CTNNA2: variants seen among roughly 807,000 people sequenced by gnomAD.
CTNNA2 encodes the protein catenin alpha 2.
In CTNNA2, 42 loss-of-function variants were observed where a neutral mutation model predicts 101.0. The observed-to-expected ratio is 0.42, with a 90% CI of 0.32 to 0.54. The LOEUF is 0.54. Among genes scored for constraint, CTNNA2 ranks in the 20% least tolerant of loss-of-function variants. The pLI, the probability that CTNNA2 is intolerant of heterozygous loss-of-function variation, is 0.14. For synonymous variants in CTNNA2, 450 were observed against 456.4 expected (o/e 0.99, Z 0.18); for missense variants, 871 against 1,223.1 (o/e 0.71, Z 4.29).
intron 4 of CTNNA2, among the ~76,000 whole-genome samples, chr2:79,478,175 G>C (rs778406199): frequency 2.0e-4 from 30 of 152,110 alleles, no homozygotes; most frequent in Non-Finnish European, 3.5e-4. Flanking sequence ...AACCCCTTTG[G>C]AGCTGTAGCT....
At chr2:79,489,616 G>A (rs910282261) in intron 4 of CTNNA2, among the ~76,000 whole-genome samples, 10 of 152,154 alleles carry the variant, frequency 6.6e-5, no homozygotes, top group Admixed American at 1.3e-4. Context: ...ATTACAAAGA[G>A]AAAGAATAAG....
At chr2:80,597,161 G>C (rs565563357) in intron 15 of CTNNA2, among the ~76,000 whole-genome samples, 1 of 151,816 alleles carries the variant, frequency 6.6e-6, no homozygotes, top group African/African-American at 2.4e-5. Context: ...TATTGGCCTC[G>C]ACAACCATCT....
chr2:79,624,687 C>A (rs957833971), intron 1 of CTNNA2, among the ~76,000 whole-genome samples: 2 of 152,102 alleles, frequency 1.3e-5, no homozygotes, highest in African/African-American at 2.4e-5. Context: ...TGTGCTTTGA[C>A]TTCTGCACCA....
At chr2:80,266,383 G>A (rs974944987) in intron 7 of CTNNA2, among the ~76,000 whole-genome samples, 1 of 152,222 alleles carries the variant, frequency 6.6e-6, no homozygotes. Flanking sequence ...GCACCAGATG[G>A]TGGTAGGTGG....
intron 3 of CTNNA2, among the ~76,000 whole-genome samples, chr2:79,753,870 T>C (rs867670295): frequency 0.039 from 5,669 of 145,508 alleles, 354 homozygotes; most frequent in African/African-American, 0.12. Context: ...TTTCTCTCTT[T>C]TTTTTTTTTT....
At chr2:80,471,917 G>A (rs1685338242) in intron 9 of CTNNA2, among the ~76,000 whole-genome samples, 1 of 152,106 alleles carries the variant, frequency 6.6e-6, no homozygotes, top group Non-Finnish European at 1.5e-5. Context: ...TGTGAGGTCA[G>A]GAGTTCAAGA....
At chr2:79,360,587 T>C (rs1677606153) in intron 3 of CTNNA2, among the ~76,000 whole-genome samples, 1 of 152,150 alleles carries the variant, frequency 6.6e-6, no homozygotes, top group African/African-American at 2.4e-5. Flanking sequence ...TGCCCACTAC[T>C]GAAAATAGAA....
At position 79,969,212 on chromosome 2, in the gene CTNNA2, T is replaced by G. The variant is rs117159739; in HGVS notation, c.1056+59415T>G. On this transcript the variant is annotated intron_variant, in intron 7 of 18. Coordinates refer to ENST00000402739, the MANE Select transcript of CTNNA2 (RefSeq NM_001282597.3). ...AACAAGAACAACAACAACAAAAAAATTTTAATGTGAACAAGAAGAGCACAC... is the reference window on the plus strand; with the variant it reads ...AACAAGAACAACAACAACAAAAAAAGTTTAATGTGAACAAGAAGAGCACAC... 3.9e-5 allele frequency among the ~76,000 whole-genome samples: 6 copies of G among 152,272 alleles called. No homozygotes were observed. In the East Asian group the frequency reaches 1.2e-3, roughly 29 times the overall value.
rs567845758 is a variant in CTNNA2 at position 80,303,151 on chromosome 2, C to T, written c.1057-90060C>T. Reference sequence around the variant, plus strand: ...GGCGCGGGAAGTGGGCGAAGTTCACCTTGACCAAGTCGTTGTGCTCGAGGT... The same window carrying T: ...GGCGCGGGAAGTGGGCGAAGTTCACTTTGACCAAGTCGTTGTGCTCGAGGT... On this transcript the variant is annotated intron_variant, in intron 7 of 18. Transcript: ENST00000402739. This position sits in a 1 kb window ranked among gnomAD's most constrained non-coding sequence, Gnocchi z 7.7. The T allele has an allele frequency of 2.2e-5, 35 of 1,614,132 alleles. No individual in the cohort carries two copies. The highest frequency in any genetic ancestry group is 2.8e-5 in the Non-Finnish European group (33 of 1,180,020).
chr2:80,460,328 A>G (rs1457702298), intron 9 of CTNNA2, among the ~76,000 whole-genome samples: 1 of 152,034 alleles, frequency 6.6e-6, no homozygotes, highest in Non-Finnish European at 1.5e-5. Flanking sequence ...ATTATAGCAC[A>G]TATTAAGCAT....
chr2:79,307,943 A>AT (rs1489051822), intron 2 of CTNNA2, among the ~76,000 whole-genome samples: 1 of 152,068 alleles, frequency 6.6e-6, no homozygotes, highest in Non-Finnish European at 1.5e-5. Context: ...TGTGATTTTC[A>AT]TTTTCATTTC....
intron 7 of CTNNA2, among the ~76,000 whole-genome samples, chr2:80,387,990 G>T (rs1447301995): frequency 1.3e-5 from 2 of 152,124 alleles, no homozygotes; most frequent in African/African-American, 4.8e-5. Context: ...TTCTCTGCAG[G>T]TAAAGATAAA....
At chr2:80,616,360 T>C (rs920657464) in intron 17 of CTNNA2, 2 of 151,704 alleles carry the variant, frequency 1.3e-5, no homozygotes, top group African/African-American at 2.4e-5. Context: ...GCCCCTCTTA[T>C]TGAGATATTT....
At chr2:79,989,659 A>ACAG in intron 7 of CTNNA2, among the ~76,000 whole-genome samples, 1 of 152,180 alleles carries the variant, frequency 6.6e-6, no homozygotes, top group East Asian at 1.9e-4. Context: ...AACAACAACA[A>ACAG]CAACAGAATT....
At chr2:80,198,255 C>G (rs1450597090) in intron 7 of CTNNA2, among the ~76,000 whole-genome samples, 1 of 152,166 alleles carries the variant, frequency 6.6e-6, no homozygotes, top group Non-Finnish European at 1.5e-5. Context: ...CCAGTTACGT[C>G]AGGGGTGTCT....
chr2:79,606,075 T>C (rs1026248716), intron 1 of CTNNA2, among the ~76,000 whole-genome samples: 2 of 152,086 alleles, frequency 1.3e-5, no homozygotes, highest in Admixed American at 1.3e-4. Context: ...TTCCCAGACA[T>C]ACAAAAGGTG....
intron 4 of CTNNA2, among the ~76,000 whole-genome samples, chr2:79,858,421 T>G (rs552758127): frequency 6.6e-6 from 1 of 152,320 alleles, no homozygotes; most frequent in African/African-American, 2.4e-5. Flanking sequence ...GAGTTTAGAT[T>G]TCTCCTTACT....
intron 2 of CTNNA2, among the ~76,000 whole-genome samples, chr2:79,679,938 G>GT (rs1433300447): frequency 1.3e-5 from 2 of 152,060 alleles, no homozygotes; most frequent in African/African-American, 4.8e-5. Flanking sequence ...AGATTAGGCT[G>GT]TTTCTACACT....
At chr2:79,928,306 A>G (rs1434744216) in intron 7 of CTNNA2, among the ~76,000 whole-genome samples, 3 of 152,114 alleles carry the variant, frequency 2.0e-5, no homozygotes, top group Admixed American at 6.5e-5. Flanking sequence ...TAGTATTTCT[A>G]TTATTCAACT....
Sources: allele counts gnomAD v4.1 joint callset (sites outside exome capture counted in the v4.1 genomes callset), GRCh38; gene constraint gnomAD v4.1.1; non-coding constraint Gnocchi (gnomAD v3.1); transcripts MANE v1.5; gene names NCBI Gene and HGNC (gene_info 2026-07-23, HGNC 2026-07-21).